The following CPEB3 variants were observed in gnomAD, a reference collection of about 807,000 sequenced individuals.
CPEB3 encodes cytoplasmic polyadenylation element-binding protein 3.
In CPEB3, 20 loss-of-function variants were observed where a neutral mutation model predicts 67.2. The observed-to-expected ratio is 0.30, with a 90% CI of 0.21 to 0.43. The LOEUF is 0.43. Among genes scored for constraint, CPEB3 ranks in the 20% least tolerant of loss-of-function variants. The pLI, the probability that CPEB3 is intolerant of heterozygous loss-of-function variation, is 1.00. For missense variants in CPEB3, 746 were observed against 968.6 expected, an observed-to-expected ratio of 0.77 and a Z score of 3.05; for synonymous variants, 376 against 393.1, an observed-to-expected ratio of 0.96 and a Z score of 0.51.
rs535679905 is a variant in CPEB3, at chr10:92,167,854, G to A, written c.1222+13109C>T. Among the ~76,000 whole-genome samples the A allele has an allele frequency of 7.9e-5, 12 of 152,236 alleles. No homozygotes were observed. In the East Asian group the frequency reaches 2.1e-3, roughly 27 times the overall value. ...ACCCGGGAGGCAGAGGTTGCAGTAAGCTGAGACTGCACCACTGCACTCCAG... is the reference window on the plus strand; with the variant it reads ...ACCCGGGAGGCAGAGGTTGCAGTAAACTGAGACTGCACCACTGCACTCCAG... On this transcript the variant is annotated intron_variant, in intron 4 of 9. Coordinates refer to ENST00000265997, the MANE Select transcript of CPEB3 (RefSeq NM_014912.5).
intron 6 of CPEB3, among the ~76,000 whole-genome samples, chr10:92,112,500 T>C (rs1470831794): frequency 6.6e-6 from 1 of 152,142 alleles, no homozygotes; most frequent in African/African-American, 2.4e-5. Flanking sequence ...ATTTAGACAA[T>C]TAACTACTCA....
intron 6 of CPEB3, among the ~76,000 whole-genome samples, chr10:92,136,630 G>A (rs1016702980): frequency 2.0e-5 from 3 of 151,930 alleles, no homozygotes; most frequent in Non-Finnish European, 4.4e-5. Context: ...GCATGATCTC[G>A]GCTCACTGTA....
Position 92,134,325 on chromosome 10 carries a change from G to C in CPEB3, c.1453+8704C>G, listed in dbSNP as rs571539278. 5.1e-4 allele frequency among the ~76,000 whole-genome samples: 77 copies of C among 152,114 alleles called. 1 individual carries two copies. Among genetic ancestry groups the C allele is most frequent in the Middle Eastern group, 3.4e-3 (1 of 294 alleles). Reference sequence around the variant, plus strand: ...ATAAGCAACTTCAGCAAAGTCTCAGGATACAAAATCAATATGCAAAAATCA... The same window carrying C: ...ATAAGCAACTTCAGCAAAGTCTCAGCATACAAAATCAATATGCAAAAATCA... On this transcript the variant is annotated intron_variant, in intron 6 of 9. Transcript: ENST00000265997.
intron 4 of CPEB3, among the ~76,000 whole-genome samples, chr10:92,160,058 T>C (rs1267109640): frequency 1.3e-5 from 2 of 152,036 alleles, no homozygotes; most frequent in Non-Finnish European, 2.9e-5. Context: ...GCGATTCTCC[T>C]GCGTCAGCCT....
chr10:92,080,144 T>C (rs1057118089), intron 9 of CPEB3, among the ~76,000 whole-genome samples: 1 of 150,246 alleles, frequency 6.7e-6, no homozygotes, highest in Non-Finnish European at 1.5e-5. Flanking sequence ...GAGGCGGAGG[T>C]TGCAGTGAGC....
intron 4 of CPEB3, among the ~76,000 whole-genome samples, chr10:92,168,918 C>T (rs935314055): frequency 6.6e-6 from 1 of 150,584 alleles, no homozygotes; most frequent in Non-Finnish European, 1.5e-5. Flanking sequence ...GTCTCAGCCT[C>T]CCACACAGCT....
chr10:92,189,186 G>T (rs898407189), intron 3 of CPEB3, among the ~76,000 whole-genome samples: 1 of 152,048 alleles, frequency 6.6e-6, no homozygotes, highest in African/African-American at 2.4e-5. Flanking sequence ...ACATCATTCA[G>T]ATTTACAATT....
chr10:92,190,980 G>C (rs1280929701), intron 3 of CPEB3, among the ~76,000 whole-genome samples: 1 of 152,206 alleles, frequency 6.6e-6, no homozygotes, highest in Non-Finnish European at 1.5e-5. Context: ...AGATCTGATA[G>C]AAGCATGGAT....
At chr10:92,282,412 A>C (rs1190025305) in intron 1 of CPEB3, among the ~76,000 whole-genome samples, 6 of 152,186 alleles carry the variant, frequency 3.9e-5, no homozygotes, top group Non-Finnish European at 8.8e-5. Context: ...ACTGTAGGCC[A>C]GGTGCAGTGG....
chr10:92,285,755 C>T (rs1275285094), intron 1 of CPEB3, among the ~76,000 whole-genome samples: 1 of 152,156 alleles, frequency 6.6e-6, no homozygotes, highest in Non-Finnish European at 1.5e-5. Flanking sequence ...ACATTAATTA[C>T]TCCTCTTGCT....
intron 9 of CPEB3, among the ~76,000 whole-genome samples, chr10:92,065,045 G>T (rs1433338323): frequency 2.6e-5 from 4 of 152,132 alleles, no homozygotes; most frequent in Non-Finnish European, 5.9e-5. Context: ...GCAAGCTGTT[G>T]ATACAACATT....
At chr10:92,226,129 G>T (rs550035477) in intron 2 of CPEB3, among the ~76,000 whole-genome samples, 1 of 152,252 alleles carries the variant, frequency 6.6e-6, no homozygotes, top group African/African-American at 2.4e-5. Context: ...CAGGCAACTG[G>T]GGTTTTTTAT....
At chr10:92,284,100 G>A (rs1255062355) in intron 1 of CPEB3, among the ~76,000 whole-genome samples, 1 of 146,718 alleles carries the variant, frequency 6.8e-6, no homozygotes, top group Admixed American at 6.9e-5. Flanking sequence ...GTGCAGTGGT[G>A]CAATCTCGGC....
At chr10:92,179,637 T>G (rs1848377591) in intron 4 of CPEB3, among the ~76,000 whole-genome samples, 1 of 152,174 alleles carries the variant, frequency 6.6e-6, no homozygotes, top group African/African-American at 2.4e-5. Flanking sequence ...GTTAGAAAAT[T>G]AGAGGTAGAT....
chr10:92,222,609 T>C (rs559183082), intron 2 of CPEB3, among the ~76,000 whole-genome samples: 64 of 152,304 alleles, frequency 4.2e-4, no homozygotes, highest in Non-Finnish European at 7.2e-4. Flanking sequence ...GGGTGCCATG[T>C]TGTTGGGTGC....
intron 8 of CPEB3, among the ~76,000 whole-genome samples, chr10:92,083,074 A>G (rs1392069036): frequency 6.6e-6 from 1 of 152,232 alleles, no homozygotes; most frequent in Non-Finnish European, 1.5e-5. Flanking sequence ...TGAGGCAGTA[A>G]GAAAAACTGT....
At chr10:92,221,168 A>C (rs1850681058) in intron 2 of CPEB3, among the ~76,000 whole-genome samples, 1 of 152,228 alleles carries the variant, frequency 6.6e-6, no homozygotes, top group Admixed American at 6.5e-5. Context: ...TAACTCCTGT[A>C]CCAGAAATGT....
At position 92,273,544 on chromosome 10, in the gene CPEB3, G is replaced by A. The variant is rs17107514; in HGVS notation, c.-12+17382C>T. 9.8e-3 allele frequency among the ~76,000 whole-genome samples: 1,488 copies of A among 152,074 alleles called. 25 individuals carry two copies. Among genetic ancestry groups the A allele is most frequent in the African/African-American group, 0.034 (1,392 of 41,470 alleles). ...TGCTGAATACCCATTCTCTAAAAAA[G>A]GTGTGTCTTGGTCTATCAGTTTATT... On this transcript the variant is annotated intron_variant, in intron 1 of 9. Transcript: ENST00000265997.
rs750482213 is a variant in CPEB3 at position 92,204,836 on chromosome 10, C to CTT, written c.1006-12202_1006-12201dup. Among the ~76,000 whole-genome samples, 257 of 125,008 alleles carry CTT rather than the reference C, an allele frequency of 2.1e-3. 2 individuals are homozygous for CTT. The highest frequency in any genetic ancestry group is 2.4e-3 in the Non-Finnish European group (142 of 59,702). 82.0% of individuals were successfully genotyped at this position (125,008 alleles called of 152,430 possible). ...TCAAAAGCCAAAACTATCTTAACCA[C>CTT]TTTTTTTTTTTTTTTTTTTTTTGAG... On this transcript the variant is annotated intron_variant, in intron 2 of 9. Transcript: ENST00000265997.
Sources: allele counts gnomAD v4.1 joint callset (sites outside exome capture counted in the v4.1 genomes callset), GRCh38; gene constraint gnomAD v4.1.1; transcripts MANE v1.5; gene names NCBI Gene and HGNC (gene_info 2026-07-23, HGNC 2026-07-21).